SMIM43: variants seen among roughly 807,000 people sequenced by gnomAD.
SMIM43 encodes small integral membrane protein 43.
rs1726199010 is a variant in SMIM43, at chr4:121,763,783, T to C, written c.*187A>G. On this transcript the variant is annotated 3_prime_UTR_variant, in exon 2 of 6. Coordinates refer to ENST00000643802, the MANE Select transcript of SMIM43 (RefSeq NM_001384332.1). ...ACTTACCATTTGCAGAAAGCTTCCA[T>C]CTCCCGTTGTTCCAGCCTTCTTTTT... The C allele has an allele frequency of 6.6e-6, 1 of 152,182 alleles. No individual in the cohort carries two copies. The highest frequency in any genetic ancestry group is 2.1e-4 in the South Asian group (1 of 4,824). 9.4% of individuals were successfully genotyped at this position (152,182 alleles called of 1,614,324 possible).
chr4:121,763,336 A>T (rs1578479571), intron 2 of SMIM43, among the ~76,000 whole-genome samples: 1 of 152,138 alleles, frequency 6.6e-6, no homozygotes, highest in South Asian at 2.1e-4. Context: ...TAGCCTCTCT[A>T]TATGGTCTTT....
At position 121,761,502 on chromosome 4, in the gene SMIM43, A is replaced by T. The variant is rs372271449; in HGVS notation, c.*499+36T>A. 1,307 of 1,526,122 alleles carry T rather than the reference A, an allele frequency of 8.6e-4. 1 individual carries two copies. The highest frequency in any genetic ancestry group is 1.1e-3 in the Non-Finnish European group (1,273 of 1,142,106). 94.5% of individuals were successfully genotyped at this position (1,526,122 alleles called of 1,614,324 possible). ...GACAAAATTGGAAATATAGAATGTCAAACTAAAAATAGAGTATTTCATATT... is the reference window on the plus strand; with the variant it reads ...GACAAAATTGGAAATATAGAATGTCTAACTAAAAATAGAGTATTTCATATT... On this transcript the variant is annotated intron_variant, in intron 5 of 5. Coordinates refer to ENST00000643802, the MANE Select transcript of SMIM43 (RefSeq NM_001384332.1).
rs758342586 is a variant in SMIM43, at chr4:121,760,444, T to A, written c.*530A>T. Reference sequence around the variant, plus strand: ...TTCTCTGTGGGCTTCCTCCTTCTTCTTGTGGGGTGCTGCGGGGACCATCTT... The same window carrying A: ...TTCTCTGTGGGCTTCCTCCTTCTTCATGTGGGGTGCTGCGGGGACCATCTT... On this transcript the variant is annotated 3_prime_UTR_variant, in exon 6 of 6. Transcript: ENST00000643802. The A allele has an allele frequency of 2.6e-6, 4 of 1,554,108 alleles. No individual in the cohort carries two copies. In the East Asian group the frequency reaches 9.7e-5, roughly 38 times the overall value.
Position 121,761,407 on chromosome 4 carries a change from T to TA in SMIM43, c.*499+130dup, listed in dbSNP as rs1437725704. 3 of 781,520 alleles carry TA rather than the reference T, an allele frequency of 3.8e-6. No individual in the cohort carries two copies. The Admixed American group carries it at 9.3e-5, about 24-fold the overall frequency. 48.4% of individuals were successfully genotyped at this position (781,520 alleles called of 1,614,324 possible). A position where few individuals can be genotyped will look rare whatever the true frequency, so the allele number is the denominator to read the frequency against. On this transcript the variant is annotated intron_variant, in intron 5 of 5. Transcript: ENST00000643802. ...ACATTTCCCACTATTCTAAATGGTT[T>TA]AACCATTTACAAACTTTAAAATTTT...
In SMIM43 at chr4:121,760,299, C is replaced by T. The variant is rs199523933; in HGVS notation, c.*675G>A. The T allele has an allele frequency of 3.5e-4, 561 of 1,597,316 alleles. 8 individuals are homozygous for T. In the South Asian group the frequency reaches 5.7e-3, roughly 16 times the overall value. On this transcript the variant is annotated 3_prime_UTR_variant, in exon 6 of 6. Coordinates refer to ENST00000643802, the MANE Select transcript of SMIM43 (RefSeq NM_001384332.1). ...AGCTACAAAAACTACATTTCTCAGA[C>T]AATCTTGCAGATAGCAGTAGCCAAT...
At chr4:121,760,862 TTTGGGC>T (rs1465385400) in intron 5 of SMIM43, among the ~76,000 whole-genome samples, 1 of 103,100 alleles carries the variant, frequency 9.7e-6, no homozygotes, top group African/African-American at 4.2e-5. Flanking sequence ...GGCAGAAATG[TTTGGGC>T]TTATTATATA....
At chr4:121,761,980 T>G in intron 3 of SMIM43, 88 bp from the exon 4 acceptor site, 1 of 1,175,456 alleles carries the variant, frequency 8.5e-7, no homozygotes, top group Non-Finnish European at 1.2e-6. Context: ...TTCCTTATAA[T>G]GTAAGAAATT....
chr4:121,760,572 T>C (rs1411258470), intron 5 of SMIM43, 98 bp from the exon 6 acceptor site: 17 of 1,409,354 alleles, frequency 1.2e-5, no homozygotes, highest in Non-Finnish European at 1.6e-5. Flanking sequence ...GCCTCTAACC[T>C]CCTTGTTCTG....
chr4:121,760,457 C>A lies in SMIM43; in HGVS notation c.*517G>T. Reference sequence around the variant, plus strand: ...TCCTCCTTCTTCTTGTGGGGTGCTGCGGGGACCATCTTGGAACCTGGAGGA... The same window carrying A: ...TCCTCCTTCTTCTTGTGGGGTGCTGAGGGGACCATCTTGGAACCTGGAGGA... On this transcript the variant is annotated 3_prime_UTR_variant, in exon 6 of 6. Transcript: ENST00000643802. 1.9e-6 allele frequency: 3 copies of A among 1,547,522 alleles called. No individual in the cohort carries two copies. The highest frequency in any genetic ancestry group is 1.2e-5 in the South Asian group (1 of 83,690).
intron 1 of SMIM43, chr4:121,764,300 G>C (rs1726233730): frequency 6.6e-6 from 1 of 152,066 alleles, no homozygotes; most frequent in African/African-American, 2.4e-5. Flanking sequence ...CCAAATGGAC[G>C]ACTGAATCTT....
Position 121,761,883 on chromosome 4 carries a change from T to C in SMIM43, c.*288A>G, listed in dbSNP as rs755234517. Reference sequence around the variant, plus strand: ...ATTGTCCTGATAAGATCTGAAGCCATTTTGAACACCTGAAATTTAGAAACA... The same window carrying C: ...ATTGTCCTGATAAGATCTGAAGCCACTTTGAACACCTGAAATTTAGAAACA... On this transcript the variant is annotated 3_prime_UTR_variant, in exon 4 of 6. Coordinates refer to ENST00000643802, the MANE Select transcript of SMIM43 (RefSeq NM_001384332.1). 74 of 1,607,390 alleles carry C rather than the reference T, an allele frequency of 4.6e-5. No individual in the cohort carries two copies. Among genetic ancestry groups the C allele is most frequent in the Admixed American group, 2.2e-4 (13 of 58,324 alleles).
chr4:121,765,333 C>G (rs1297682962), upstream of SMIM43: 3 of 336,302 alleles, frequency 8.9e-6, no homozygotes, highest in Non-Finnish European at 1.6e-5. Context: ...CAAAGCCTTC[C>G]GCTTCGCCGA....
At chr4:121,761,434 G>T (rs745900993) in intron 5 of SMIM43, 104 bp downstream of exon 5, 3 of 1,172,936 alleles carry the variant, frequency 2.6e-6, no homozygotes, top group South Asian at 1.8e-5. Context: ...TAAAATTTTG[G>T]TCATTTAAAA....
chr4:121,765,275 C>A (rs868705268), upstream of SMIM43: 4 of 372,686 alleles, frequency 1.1e-5, no homozygotes, highest in South Asian at 4.4e-4. Flanking sequence ...TCCGAGGAAA[C>A]GCGCCAAGGA....
rs528515122 is a variant in SMIM43 at position 121,760,625 on chromosome 4, A to G, written c.*500-151T>C. On this transcript the variant is annotated intron_variant, in intron 5 of 5. Coordinates refer to ENST00000643802, the MANE Select transcript of SMIM43 (RefSeq NM_001384332.1). ...CTCTAATTTATTTAAGCCGCTCTTC[A>G]GTCCAGAACTTCCTATTCCATTACC... The G allele has an allele frequency of 1.2e-4, 154 of 1,294,460 alleles. No homozygotes were observed. The South Asian group carries it at 3.0e-3, about 25-fold the overall frequency. The allele number at this position is 1,294,460 out of a possible 1,614,324, so 80.2% of individuals were successfully genotyped here.
At position 121,760,178 on chromosome 4, in the gene SMIM43, C is replaced by G; in HGVS notation, c.*796G>C. ...GCTCCTCTGCAACTGTATTCTGTAG[C>G]CAGGGCATAAAATGTTAGTTGTCCT... On this transcript the variant is annotated 3_prime_UTR_variant, in exon 6 of 6. Transcript: ENST00000643802. 4.8e-6 allele frequency: 7 copies of G among 1,456,692 alleles called. No individual in the cohort carries two copies. The highest frequency in any genetic ancestry group is 6.4e-6 in the Non-Finnish European group (7 of 1,087,096). 90.2% of individuals were successfully genotyped at this position (1,456,692 alleles called of 1,614,324 possible).
rs1439965358 is a variant in SMIM43 at position 121,761,817 on chromosome 4, C to G, written c.*341+13G>C. The G allele has an allele frequency of 6.2e-7, 1 of 1,612,990 alleles. No individual in the cohort carries two copies. The highest frequency in any genetic ancestry group is 8.5e-7 in the Non-Finnish European group (1 of 1,179,396). ...TATCTTGCCAAGTAGAACTGCAGAT[C>G]CATTGCACTTACAAGTTTGGAAATT... is the stretch of plus-strand genomic sequence containing the variant. On this transcript the variant is annotated intron_variant, in intron 4 of 5. Transcript: ENST00000643802.
At position 121,761,700 on chromosome 4, in the gene SMIM43, A is replaced by G; in HGVS notation, c.*342-5T>C. On this transcript the variant is annotated splice_region_variant and splice_polypyrimidine_tract_variant and intron_variant, in intron 4 of 5. Coordinates refer to ENST00000643802, the MANE Select transcript of SMIM43 (RefSeq NM_001384332.1). ...TTCTGCATCTACAGCTGTGCCCTAAAATTGAAGTTCAGACATAGGAATCTA... is the reference window on the plus strand; with the variant it reads ...TTCTGCATCTACAGCTGTGCCCTAAGATTGAAGTTCAGACATAGGAATCTA... The G allele has an allele frequency of 6.2e-7, 1 of 1,611,002 alleles. No homozygotes were observed. Among genetic ancestry groups the G allele is most frequent in the Non-Finnish European group, 8.5e-7 (1 of 1,179,348 alleles).
chr4:121,763,234 G>A (rs1726163121), intron 2 of SMIM43, among the ~76,000 whole-genome samples: 1 of 152,172 alleles, frequency 6.6e-6, no homozygotes. Context: ...TTATTCACCT[G>A]AGACTATTTT....
Sources: gnomAD v4.1 joint callset for allele counts (sites outside exome capture counted in the v4.1 genomes callset) on GRCh38, gnomAD v4.1.1 for gene constraint, MANE v1.5 for transcripts, NCBI Gene and HGNC (gene_info 2026-07-23, HGNC 2026-07-21) for gene names.